HMOX2: variants seen among roughly 807,000 people sequenced by gnomAD.
HMOX2 encodes heme oxygenase (decycling) 2.
In HMOX2, 30 loss-of-function variants were observed where a neutral mutation model predicts 33.7. The ratio of observed to expected loss-of-function variants is 0.89; its 90% CI spans 0.67 to 1.21. HMOX2 has a LOEUF of 1.21. Among genes scored for constraint, HMOX2 ranks in the 50% most tolerant of loss-of-function variants. The pLI, the probability that HMOX2 is intolerant of heterozygous loss-of-function variation, is 0.00. For synonymous variants in HMOX2, 155 were observed against 155.0 expected, an observed-to-expected ratio of 1.00 and a Z score of 0.00; for missense variants, 403 against 399.1, an observed-to-expected ratio of 1.01 and a Z score of -0.08.
chr16:4,501,709 G>A (rs780715513), intron 1 of HMOX2, among the ~76,000 whole-genome samples: 2 of 152,242 alleles, frequency 1.3e-5, no homozygotes, highest in Non-Finnish European at 2.9e-5. Context: ...GAGCATTCAA[G>A]TATAGAAACC....
chr16:4,494,277 C>T (rs995723786), intron 1 of HMOX2, among the ~76,000 whole-genome samples: 1 of 150,494 alleles, frequency 6.6e-6, no homozygotes, highest in South Asian at 2.1e-4. Context: ...GATAGCACCA[C>T]TGCACTCCAG....
intron 1 of HMOX2, among the ~76,000 whole-genome samples, chr16:4,497,714 G>A (rs1374711080): frequency 6.6e-6 from 1 of 152,144 alleles, no homozygotes. Context: ...AAAAAAGCCT[G>A]CAAGAAAAGT....
intron 1 of HMOX2, among the ~76,000 whole-genome samples, chr16:4,478,605 T>C (rs528323464): frequency 6.7e-6 from 1 of 150,292 alleles, no homozygotes; most frequent in African/African-American, 2.5e-5. Flanking sequence ...AAAATAATAA[T>C]AATACAAAAA....
intron 1 of HMOX2, among the ~76,000 whole-genome samples, chr16:4,482,785 T>C (rs1348400527): frequency 6.6e-6 from 1 of 152,160 alleles, no homozygotes; most frequent in Admixed American, 6.5e-5. Context: ...CCCAGCACTT[T>C]GGGAGGCCAA....
At position 4,509,554 on chromosome 16, in the gene HMOX2, C is replaced by G. The variant is rs768924463; in HGVS notation, c.823+16C>G. ...CAAGACAAAGGTAGGTCTGTGTGTCCTGAGCTCCCCTCCTGGGGCAGGTGT... is the reference window on the plus strand; with the variant it reads ...CAAGACAAAGGTAGGTCTGTGTGTCGTGAGCTCCCCTCCTGGGGCAGGTGT... On this transcript the variant is annotated intron_variant, in intron 5 of 5. Coordinates refer to ENST00000570646, the MANE Select transcript of HMOX2 (RefSeq NM_002134.4). 1.2e-6 allele frequency: 2 copies of G among 1,614,040 alleles called. No homozygotes were observed. Among genetic ancestry groups the G allele is most frequent in the Admixed American group, 1.7e-5 (1 of 60,002 alleles).
intron 1 of HMOX2, among the ~76,000 whole-genome samples, chr16:4,484,585 C>T (rs1178966670): frequency 2.0e-5 from 3 of 151,660 alleles, no homozygotes; most frequent in Non-Finnish European, 4.4e-5. Flanking sequence ...CTCAGCCTCC[C>T]GAGTAGCTGG....
At chr16:4,493,622 G>A (rs893360397) in intron 1 of HMOX2, among the ~76,000 whole-genome samples, 2 of 152,184 alleles carry the variant, frequency 1.3e-5, no homozygotes, top group Non-Finnish European at 2.9e-5. Context: ...GCTGCCTCTT[G>A]GCCTCTGTGT....
At chr16:4,488,324 A>C (rs867946702) in intron 1 of HMOX2, among the ~76,000 whole-genome samples, 2 of 152,192 alleles carry the variant, frequency 1.3e-5, no homozygotes, top group African/African-American at 4.8e-5. Context: ...ATTAATGGAG[A>C]TAATGATGTT....
intron 1 of HMOX2, chr16:4,496,735 G>A (rs2058430745): frequency 6.6e-6 from 1 of 152,170 alleles, no homozygotes; most frequent in Admixed American, 6.5e-5. Context: ...GTGAGACATT[G>A]CTTGAAAGTG....
chr16:4,494,250 A>G (rs1016727780), intron 1 of HMOX2, among the ~76,000 whole-genome samples: 1 of 150,824 alleles, frequency 6.6e-6, no homozygotes, highest in Non-Finnish European at 1.5e-5. Flanking sequence ...CGGGAGGTGG[A>G]GCTTGCAGTG....
upstream of HMOX2, among the ~76,000 whole-genome samples, chr16:4,475,371 G>C (rs1265476350): frequency 3.3e-5 from 5 of 149,822 alleles, no homozygotes; most frequent in Admixed American, 6.6e-5. Context: ...GTGGTGGTGC[G>C]ATCTTGGCTC....
intron 1 of HMOX2, among the ~76,000 whole-genome samples, chr16:4,478,404 G>C (rs891218943): frequency 6.6e-6 from 1 of 152,086 alleles, no homozygotes; most frequent in African/African-American, 2.4e-5. Flanking sequence ...TCTACATCAG[G>C]ATTGCACCCA....
intron 1 of HMOX2, among the ~76,000 whole-genome samples, chr16:4,480,347 C>CTTTTT (rs57106048): frequency 7.7e-6 from 1 of 129,272 alleles, no homozygotes; most frequent in African/African-American, 3.0e-5. Flanking sequence ...AGCACCCGGC[C>CTTTTT]TTTTTTTTTT....
chr16:4,480,832 T>G (rs1449292937), intron 1 of HMOX2, among the ~76,000 whole-genome samples: 1 of 151,118 alleles, frequency 6.6e-6, no homozygotes, highest in East Asian at 2.0e-4. Context: ...TTTTGTATTT[T>G]TAGTAGAGAC....
chr16:4,508,469 G>C (rs940715981), intron 4 of HMOX2, among the ~76,000 whole-genome samples: 48 of 152,188 alleles, frequency 3.2e-4, no homozygotes, highest in African/African-American at 1.1e-3. Flanking sequence ...TGGAAGAATG[G>C]AGCTGGCTTC....
At chr16:4,505,409 G>A in intron 1 of HMOX2, 75 bp from the exon 2 acceptor site, 1 of 679,448 alleles carries the variant, frequency 1.5e-6, no homozygotes, top group South Asian at 1.9e-5. Context: ...TCGCTCTGAG[G>A]AAAGCAGAAC....
rs367862306 is a variant in HMOX2, at chr16:4,505,572, A to G, written c.48A>G (p.Lys16=). Residue 16 remains lysine (K), a synonymous_variant, in exon 2 of 6, where the codon AAA becomes AAG. Transcript: ENST00000570646. ...ETSEGVDESE[K]KNSGALEKEN... ...CAGAGGGGGTAGACGAGTCAGAAAA[A>G]AAGAACTCTGGGGCCCTAGAAAAGG... 3.8e-5 allele frequency: 61 copies of G among 1,604,924 alleles called. No individual in the cohort carries two copies. Among genetic ancestry groups the G allele is most frequent in the African/African-American group, 5.4e-5 (4 of 74,616 alleles).
intron 1 of HMOX2, among the ~76,000 whole-genome samples, chr16:4,484,633 G>A (rs925584325): frequency 6.6e-6 from 1 of 151,060 alleles, no homozygotes; most frequent in African/African-American, 2.4e-5. Flanking sequence ...GCTGATTTTT[G>A]TATTTTTAGT....
At chr16:4,486,390 T>A (rs1301693233) in intron 1 of HMOX2, among the ~76,000 whole-genome samples, 1 of 152,150 alleles carries the variant, frequency 6.6e-6, no homozygotes, top group Non-Finnish European at 1.5e-5. Context: ...CCACAGCAAC[T>A]TAACTGGCTA....
Sources: allele counts gnomAD v4.1 joint callset (sites outside exome capture counted in the v4.1 genomes callset), GRCh38; gene constraint gnomAD v4.1.1; transcripts MANE v1.5; gene names NCBI Gene and HGNC (gene_info 2026-07-23, HGNC 2026-07-21).